The following DSCAM variants were observed in gnomAD, a reference collection of about 807,000 sequenced individuals.
DSCAM encodes the protein cell adhesion molecule DSCAM.
Under a neutral mutation model 217.7 loss-of-function variants are expected in DSCAM, and 47 were observed. That is an observed-to-expected ratio of 0.22 (90% confidence interval 0.17 to 0.28). The LOEUF (loss-of-function observed/expected upper bound fraction) is 0.28, where lower values mean the gene tolerates loss of function less well. Among genes scored for constraint, DSCAM ranks in the 10% least tolerant of loss-of-function variants. DSCAM has a pLI of 1.00. For missense variants in DSCAM, 2,080 were observed against 2,618.3 expected, an observed-to-expected ratio of 0.79 and a Z score of 4.49; for synonymous variants, 1,056 against 1,015.3, an observed-to-expected ratio of 1.04 and a Z score of -0.76.
Position 40,539,749 on chromosome 21 carries a change from C to T in DSCAM, c.508+153061G>A, listed in dbSNP as rs143174720. 3.9e-5 allele frequency among the ~76,000 whole-genome samples: 6 copies of T among 152,136 alleles called. No individual in the cohort carries two copies. In the East Asian group the frequency reaches 1.2e-3, roughly 29 times the overall value. On this transcript the variant is annotated intron_variant, in intron 3 of 32. Coordinates refer to ENST00000400454, the MANE Select transcript of DSCAM (RefSeq NM_001389.5). Reference sequence around the variant, plus strand: ...ATGATGTTATTAATTGAAAAAAAGACAATTCCTGAGATTTTTGAAAAGGGA... The same window carrying T: ...ATGATGTTATTAATTGAAAAAAAGATAATTCCTGAGATTTTTGAAAAGGGA...
intron 16 of DSCAM, among the ~76,000 whole-genome samples, chr21:40,145,369 A>T (rs1472593853): frequency 6.6e-6 from 1 of 152,158 alleles, no homozygotes; most frequent in Non-Finnish European, 1.5e-5. Context: ...GTGCACACCC[A>T]ATAGGAAGGT....
rs144845053 is a variant in DSCAM at position 40,309,216 on chromosome 21, A to G, written c.2062+2865T>C. Reference sequence around the variant, plus strand: ...ATAGTTGTGTTTTCTGAGTTCCTGCACATTGACCTTCTTTCTTTTCTGAAG... The same window carrying G: ...ATAGTTGTGTTTTCTGAGTTCCTGCGCATTGACCTTCTTTCTTTTCTGAAG... On this transcript the variant is annotated intron_variant, in intron 9 of 32. Transcript: ENST00000400454. 5.4e-3 allele frequency among the ~76,000 whole-genome samples: 829 copies of G among 152,262 alleles called. 12 individuals are homozygous for G. The highest frequency in any genetic ancestry group is 0.019 in the African/African-American group (789 of 41,542).
At chr21:40,256,577 C>A (rs1330998542) in intron 11 of DSCAM, among the ~76,000 whole-genome samples, 1 of 151,972 alleles carries the variant, frequency 6.6e-6, no homozygotes, top group African/African-American at 2.4e-5. Flanking sequence ...AACTGATGTG[C>A]AGCTTGGGTC....
intron 3 of DSCAM, among the ~76,000 whole-genome samples, chr21:40,462,267 G>A (rs1569133681): frequency 6.6e-6 from 1 of 152,172 alleles, no homozygotes; most frequent in Non-Finnish European, 1.5e-5. Flanking sequence ...AGGCTCTCAT[G>A]ATGTGGCACC....
At chr21:40,183,015 G>A (rs1366184857) in intron 14 of DSCAM, among the ~76,000 whole-genome samples, 1 of 33,556 alleles carries the variant, frequency 3.0e-5, no homozygotes, top group Non-Finnish European at 5.6e-5. Context: ...TGGACAGAAC[G>A]GGCCACCAGA....
chr21:40,462,250 G>A (rs2075811959), intron 3 of DSCAM, among the ~76,000 whole-genome samples: 1 of 152,152 alleles, frequency 6.6e-6, no homozygotes, highest in Non-Finnish European at 1.5e-5. Flanking sequence ...ATTAGAGCCT[G>A]GTACAGAGGC....
intron 1 of DSCAM, among the ~76,000 whole-genome samples, chr21:40,798,536 A>C (rs913310619): frequency 6.6e-6 from 1 of 152,146 alleles, no homozygotes; most frequent in African/African-American, 2.4e-5. Context: ...AGCAAAGCAC[A>C]TGAATTGGCA....
chr21:40,188,940 C>T (rs990279491), intron 12 of DSCAM, 102 bp downstream of exon 12: 65 of 1,194,612 alleles, frequency 5.4e-5, no homozygotes, highest in Middle Eastern at 2.0e-4. Context: ...AAATAAATTC[C>T]GAAAGATTAT....
chr21:40,637,014 G>A (rs2410260), intron 3 of DSCAM, among the ~76,000 whole-genome samples: 70,813 of 143,374 alleles, frequency 0.49, 17,648 homozygotes, highest in Admixed American at 0.57. Context: ...CCCAAAGAGA[G>A]GTAACCCAGA....
chr21:40,684,917 T>C (rs544073584), intron 3 of DSCAM, among the ~76,000 whole-genome samples: 9 of 152,288 alleles, frequency 5.9e-5, no homozygotes, highest in African/African-American at 2.2e-4. Context: ...TTCCCATGTC[T>C]AGAAAGAACC....
intron 16 of DSCAM, among the ~76,000 whole-genome samples, chr21:40,166,988 G>GAA (rs5844004): frequency 4.4e-4 from 64 of 147,092 alleles, no homozygotes; most frequent in East Asian, 9.8e-4. Flanking sequence ...ATTCAAGGAA[G>GAA]AAAAAAAAAA....
intron 3 of DSCAM, among the ~76,000 whole-genome samples, chr21:40,607,498 A>C (rs1017675646): frequency 4.0e-5 from 6 of 151,740 alleles, no homozygotes; most frequent in South Asian, 2.1e-4. Flanking sequence ...AAATGAAAAG[A>C]AGCATGATAT....
intron 3 of DSCAM, among the ~76,000 whole-genome samples, chr21:40,646,433 G>GGC (rs2089948407): frequency 6.8e-6 from 1 of 146,486 alleles, no homozygotes; most frequent in African/African-American, 2.5e-5. Flanking sequence ...AAAAAAGGGG[G>GGC]GCTGTTCACC....
Position 40,420,913 on chromosome 21 carries a change from C to T in DSCAM, c.509-51668G>A, listed in dbSNP as rs1225600983. Among the ~76,000 whole-genome samples, 3 of 152,262 alleles carry T rather than the reference C, an allele frequency of 2.0e-5. No homozygotes were observed. In the East Asian group the frequency reaches 5.8e-4, roughly 29 times the overall value. On this transcript the variant is annotated intron_variant, in intron 3 of 32. Coordinates refer to ENST00000400454, the MANE Select transcript of DSCAM (RefSeq NM_001389.5). ...TACCTTGATCTCAGACTTCCAGCCT[C>T]CAAAACTGGGAGATGATGCATTTCT...
chr21:40,155,424 C>T lies in DSCAM; in HGVS notation c.3019-10693G>A, dbSNP rs546003717. ...GAACCCAAAGGGCTTTGGCCCACCA[C>T]ACACGCCTGGAGGGCCCAACCCAGA... On this transcript the variant is annotated intron_variant, in intron 16 of 32. Transcript: ENST00000400454. 8.5e-5 allele frequency among the ~76,000 whole-genome samples: 13 copies of T among 152,318 alleles called. No individual in the cohort carries two copies. In the East Asian group the frequency reaches 2.3e-3, roughly 27 times the overall value.
chr21:40,684,730 G>C (rs956289449), intron 3 of DSCAM, among the ~76,000 whole-genome samples: 3 of 152,130 alleles, frequency 2.0e-5, no homozygotes, highest in African/African-American at 7.2e-5. Context: ...ATCTATTTTA[G>C]CTTGTCGATA....
chr21:40,777,624 T>C, intron 1 of DSCAM, among the ~76,000 whole-genome samples: 1 of 152,126 alleles, frequency 6.6e-6, no homozygotes, highest in Admixed American at 6.5e-5. Context: ...AAAATAGAAT[T>C]GTGATGAAGA....
At chr21:40,620,788 C>A (rs920024411) in intron 3 of DSCAM, among the ~76,000 whole-genome samples, 1 of 152,210 alleles carries the variant, frequency 6.6e-6, no homozygotes, top group African/African-American at 2.4e-5. Flanking sequence ...TATAAAAAAT[C>A]TGTAAATGAA....
intron 32 of DSCAM, among the ~76,000 whole-genome samples, chr21:40,020,344 A>C (rs562724109): frequency 4.6e-5 from 7 of 152,128 alleles, no homozygotes; most frequent in Non-Finnish European, 8.8e-5. Flanking sequence ...ATGAAAACTA[A>C]CTTCCTTCCT....
Sources: allele counts gnomAD v4.1 joint callset (sites outside exome capture counted in the v4.1 genomes callset), GRCh38; gene constraint gnomAD v4.1.1; transcripts MANE v1.5; gene names NCBI Gene and HGNC (gene_info 2026-07-23, HGNC 2026-07-21).